ESRRB: variants seen among roughly 807,000 people sequenced by gnomAD.
ESRRB encodes the protein steroid hormone receptor ERR2.
Under a neutral mutation model 46.0 loss-of-function variants are expected in ESRRB, and 16 were observed. The observed-to-expected ratio is 0.35, with a 90% CI of 0.24 to 0.53. ESRRB has a LOEUF of 0.53. ESRRB is among the 20% of genes least tolerant of loss of function. ESRRB has a pLI of 0.93. For missense variants in ESRRB, 488 were observed against 607.4 expected, an observed-to-expected ratio of 0.80 and a Z score of 2.07; for synonymous variants, 246 against 259.6, an observed-to-expected ratio of 0.95 and a Z score of 0.50.
intron 1 of ESRRB, among the ~76,000 whole-genome samples, chr14:76,413,346 C>T (rs908107685): frequency 3.9e-5 from 6 of 152,218 alleles, no homozygotes; most frequent in African/African-American, 9.6e-5. Flanking sequence ...CGGCCACACA[C>T]CTGTGTCCCG....
intron 1 of ESRRB, among the ~76,000 whole-genome samples, chr14:76,386,629 A>G (rs1323034830): frequency 6.6e-6 from 1 of 151,008 alleles, no homozygotes; most frequent in Non-Finnish European, 1.5e-5. Flanking sequence ...GGTACTAATT[A>G]TTTTGTATTT....
intron 1 of ESRRB, among the ~76,000 whole-genome samples, chr14:76,328,398 G>A (rs1286231825): frequency 6.6e-6 from 1 of 152,188 alleles, no homozygotes; most frequent in African/African-American, 2.4e-5. Flanking sequence ...CTGAGTCGGG[G>A]ACCAGGACCA....
chr14:76,412,319 C>A (rs1339523198), intron 1 of ESRRB, among the ~76,000 whole-genome samples: 5 of 152,174 alleles, frequency 3.3e-5, no homozygotes, highest in Non-Finnish European at 7.3e-5. Context: ...CCTCAGTTTC[C>A]CCTTCTGAGG....
chr14:76,320,567 G>C (rs1230809578), intron 1 of ESRRB, among the ~76,000 whole-genome samples: 1 of 152,214 alleles, frequency 6.6e-6, no homozygotes, highest in Non-Finnish European at 1.5e-5. Context: ...CACCGTGCCT[G>C]GACACGGCAG....
chr14:76,316,179 A>C (rs1008161110), intron 1 of ESRRB, among the ~76,000 whole-genome samples: 1 of 152,092 alleles, frequency 6.6e-6, no homozygotes, highest in African/African-American at 2.4e-5. Flanking sequence ...AAACTCCATC[A>C]CTGGAGTTCC....
chr14:76,414,954 C>T (rs1442338418), intron 1 of ESRRB, among the ~76,000 whole-genome samples: 1 of 152,164 alleles, frequency 6.6e-6, no homozygotes, highest in African/African-American at 2.4e-5. Flanking sequence ...TCTGAATCCC[C>T]TCACTTTTAA....
Position 76,419,864 on chromosome 14 carries a change from G to A in ESRRB, c.51-19477G>A, listed in dbSNP as rs11847324. 5.0e-3 allele frequency among the ~76,000 whole-genome samples: 766 copies of A among 152,126 alleles called. 7 individuals carry two copies. The highest frequency in any genetic ancestry group is 0.018 in the African/African-American group (731 of 41,526). ...CAGTTTAGGCTGGCCTGAGCTGCCCGGCAGAGGGGGCAGGCAGCTCTGGGG... is the reference window on the plus strand; with the variant it reads ...CAGTTTAGGCTGGCCTGAGCTGCCCAGCAGAGGGGGCAGGCAGCTCTGGGG... On this transcript the variant is annotated intron_variant, in intron 1 of 6. Coordinates refer to ENST00000644823, the MANE Select transcript of ESRRB (RefSeq NM_001379180.1).
chr14:76,326,477 A>C (rs540619387), intron 1 of ESRRB, among the ~76,000 whole-genome samples: 3 of 152,278 alleles, frequency 2.0e-5, no homozygotes, highest in African/African-American at 7.2e-5. Context: ...GGAACAATAA[A>C]ATCCAATCTT....
intron 1 of ESRRB, among the ~76,000 whole-genome samples, chr14:76,326,610 G>A (rs1883932837): frequency 6.6e-6 from 1 of 152,190 alleles, no homozygotes; most frequent in African/African-American, 2.4e-5. Context: ...TGAGTGAGAA[G>A]AGTGTTGGTG....
intron 1 of ESRRB, among the ~76,000 whole-genome samples, chr14:76,382,460 G>T (rs548710516): frequency 5.9e-4 from 90 of 152,312 alleles, no homozygotes; most frequent in African/African-American, 2.1e-3. Flanking sequence ...CCCAGAGAGG[G>T]AGAGAAGGAA....
chr14:76,456,462 G>A (rs999519572), intron 2 of ESRRB, among the ~76,000 whole-genome samples: 20 of 152,180 alleles, frequency 1.3e-4, no homozygotes, highest in South Asian at 2.1e-4. Context: ...GACCATGGTC[G>A]CAAGGGGTGA....
chr14:76,400,180 C>T (rs1885878105), intron 1 of ESRRB, among the ~76,000 whole-genome samples: 1 of 152,316 alleles, frequency 6.6e-6, no homozygotes, highest in Middle Eastern at 3.4e-3. Flanking sequence ...ATTAGCCTGG[C>T]AGTGGGAGCC....
chr14:76,342,954 A>G (rs528070811), intron 1 of ESRRB, among the ~76,000 whole-genome samples: 1 of 152,322 alleles, frequency 6.6e-6, no homozygotes, highest in East Asian at 1.9e-4. Context: ...ATCATTACAA[A>G]TTAGACTAAA....
chr14:76,405,977 C>T (rs545833344), intron 1 of ESRRB, among the ~76,000 whole-genome samples: 4 of 152,176 alleles, frequency 2.6e-5, no homozygotes, highest in East Asian at 3.9e-4. Context: ...GAAATGTTTA[C>T]GAATATACCA....
chr14:76,378,724 A>G (rs1884885277), intron 1 of ESRRB, among the ~76,000 whole-genome samples: 1 of 152,058 alleles, frequency 6.6e-6, no homozygotes. Context: ...CATTTCAAGG[A>G]CGAGCTTGTG....
intron 1 of ESRRB, among the ~76,000 whole-genome samples, chr14:76,426,623 C>T (rs993674185): frequency 2.0e-5 from 3 of 152,118 alleles, no homozygotes; most frequent in African/African-American, 2.4e-5. Flanking sequence ...TGGTACAGCT[C>T]GGAGTCAATG....
chr14:76,469,701 C>T (rs115266431), intron 3 of ESRRB, among the ~76,000 whole-genome samples: 2,770 of 152,182 alleles, frequency 0.018, 46 homozygotes, highest in African/African-American at 0.022. Context: ...TTAAAAAAAT[C>T]CACAACTATA....
At chr14:76,394,900 C>A (rs1162416823) in intron 1 of ESRRB, among the ~76,000 whole-genome samples, 1 of 152,164 alleles carries the variant, frequency 6.6e-6, no homozygotes, top group Non-Finnish European at 1.5e-5. Context: ...GAACCATTCC[C>A]ATGTAAGAAA....
At chr14:76,398,127 T>G (rs1885776122) in intron 1 of ESRRB, among the ~76,000 whole-genome samples, 1 of 152,246 alleles carries the variant, frequency 6.6e-6, no homozygotes, top group African/African-American at 2.4e-5. Context: ...CCCTGCTAGC[T>G]GGCATGCATT....
Sources: gnomAD v4.1 joint callset for allele counts (sites outside exome capture counted in the v4.1 genomes callset) on GRCh38, gnomAD v4.1.1 for gene constraint, MANE v1.5 for transcripts, NCBI Gene and HGNC (gene_info 2026-07-23, HGNC 2026-07-21) for gene names.